CCDC73: variants seen among roughly 807,000 people sequenced by gnomAD.
CCDC73 encodes the protein coiled-coil domain-containing protein 73.
Under a neutral mutation model 116.5 loss-of-function variants are expected in CCDC73, and 95 were observed. The ratio of observed to expected loss-of-function variants is 0.82; its 90% CI spans 0.69 to 0.97. CCDC73 has a LOEUF of 0.97. Ranked by LOEUF, CCDC73 falls within the 50% of genes least tolerant of loss-of-function variation. CCDC73 has a pLI of 0.00. For missense variants in CCDC73, 1,066 were observed against 1,206.8 expected (o/e 0.88, Z 1.73); for synonymous variants, 398 against 401.3 (o/e 0.99, Z 0.10).
chr11:32,737,267 GTGTGTGTA>G lies in CCDC73; in HGVS notation c.136-19128_136-19121del, dbSNP rs1432896816. On this transcript the variant is annotated intron_variant, in intron 2 of 17. Coordinates refer to ENST00000335185, the MANE Select transcript of CCDC73 (RefSeq NM_001008391.4). ...TGTGTGTGTGTGTGTGTGTGTGTGT[GTGTGTGTA>G]TATACATGGTCCATAGGATATTTTG... 2.6e-4 allele frequency among the ~76,000 whole-genome samples: 36 copies of G among 139,740 alleles called. No individual in the cohort carries two copies. The East Asian group carries it at 5.0e-3, about 19-fold the overall frequency. 91.7% of individuals were successfully genotyped at this position (139,740 alleles called of 152,430 possible).
In CCDC73 at chr11:32,602,832, T is replaced by A. The variant is rs1230820117; in HGVS notation, c.3219A>T (p.Glu1073Asp). 2 of 1,599,208 alleles carry A rather than the reference T, an allele frequency of 1.3e-6. No individual in the cohort carries two copies. Among genetic ancestry groups the A allele is most frequent in the East Asian group, 4.5e-5 (2 of 44,730 alleles). ...TACATTATTTTAATCTGTTGTTTTT[T>A]TCCAACGTCTCTTCTGCTTTTCTTT... Reference protein sequence around the residue: ...PKKRKAEETLEKNNRLK With the variant: ...PKKRKAEETLDKNNRLK The change falls in exon 18 of 18, where the codon GAA becomes GAT. Residue 1073 changes from glutamate (E) to aspartate (D), a missense_variant. By Grantham distance (45) the Glu-to-Asp change is conservative (BLOSUM62 2). Transcript: ENST00000335185.
chr11:32,636,380 A>G (rs1219947102), intron 13 of CCDC73, among the ~76,000 whole-genome samples: 2 of 152,130 alleles, frequency 1.3e-5, no homozygotes, highest in African/African-American at 4.8e-5. Flanking sequence ...GTGGTACCAC[A>G]GAAACTGACA....
the CCDC73 span, among the ~76,000 whole-genome samples, chr11:32,805,263 T>C: frequency 6.6e-6 from 1 of 152,360 alleles, no homozygotes; most frequent in Middle Eastern, 3.4e-3. Flanking sequence ...CCACATCTTA[T>C]TTTCTGCTTT....
the CCDC73 span, among the ~76,000 whole-genome samples, chr11:32,825,406 G>A: frequency 2.1e-4 from 31 of 146,184 alleles, no homozygotes; most frequent in African/African-American, 5.3e-4. Flanking sequence ...GGGTTCAAGC[G>A]ATTCTGCTAC....
At chr11:32,633,551 A>C (rs1249568892) in intron 14 of CCDC73, among the ~76,000 whole-genome samples, 1 of 152,196 alleles carries the variant, frequency 6.6e-6, no homozygotes, top group Non-Finnish European at 1.5e-5. Context: ...AATACGAAGA[A>C]AAATAGGTAA....
chr11:32,660,314 T>C (rs181234926), intron 9 of CCDC73, among the ~76,000 whole-genome samples: 2 of 149,108 alleles, frequency 1.3e-5, no homozygotes, highest in East Asian at 2.0e-4. Flanking sequence ...AGCAGTTCCA[T>C]GGTACCCCTC....
intron 2 of CCDC73, among the ~76,000 whole-genome samples, chr11:32,719,664 T>G (rs1234624683): frequency 1.3e-5 from 2 of 152,202 alleles, no homozygotes; most frequent in Non-Finnish European, 2.9e-5. Flanking sequence ...AGAAATTAGA[T>G]GTACTACATA....
At chr11:32,617,925 T>C (rs1855489544) in intron 14 of CCDC73, among the ~76,000 whole-genome samples, 1 of 152,142 alleles carries the variant, frequency 6.6e-6, no homozygotes, top group Non-Finnish European at 1.5e-5. Context: ...CATGTGCAGG[T>C]TGGTTACATG....
At chr11:32,621,862 A>G (rs1855525550) in intron 14 of CCDC73, among the ~76,000 whole-genome samples, 1 of 152,254 alleles carries the variant, frequency 6.6e-6, no homozygotes, top group Non-Finnish European at 1.5e-5. Context: ...ATGAACAGAC[A>G]CTTCTCAAAA....
chr11:32,751,714 C>CT lies in CCDC73; in HGVS notation c.135+8394dup, dbSNP rs573531149. Reference sequence around the variant, plus strand: ...GTCTTTCCAACTCCCTTCAGTGCCTCTTTCAGCAATATGAAGTTAAAACCA... The same window carrying CT: ...GTCTTTCCAACTCCCTTCAGTGCCTCTTTTCAGCAATATGAAGTTAAAACCA... On this transcript the variant is annotated intron_variant, in intron 2 of 17. Transcript: ENST00000335185. Among the ~76,000 whole-genome samples the CT allele has an allele frequency of 3.5e-3, 531 of 152,266 alleles. 4 individuals carry two copies. The highest frequency in any genetic ancestry group is 0.012 in the African/African-American group (512 of 41,534).
chr11:32,682,457 T>G (rs1590591317), intron 7 of CCDC73: 1 of 152,126 alleles, frequency 6.6e-6, no homozygotes, highest in East Asian at 1.9e-4. Flanking sequence ...AGTCTATGAC[T>G]CTTATTTTCT....
intron 14 of CCDC73, among the ~76,000 whole-genome samples, chr11:32,633,874 G>A (rs2133241052): frequency 6.6e-6 from 1 of 152,276 alleles, no homozygotes; most frequent in South Asian, 2.1e-4. Flanking sequence ...GTTAGGAAAT[G>A]GTGAGAATCC....
At chr11:32,750,417 C>G (rs1420856915) in intron 2 of CCDC73, among the ~76,000 whole-genome samples, 1 of 152,194 alleles carries the variant, frequency 6.6e-6, no homozygotes, top group Admixed American at 6.5e-5. Context: ...AGTCTTGTAT[C>G]CTTCTTTTCA....
intron 2 of CCDC73, among the ~76,000 whole-genome samples, chr11:32,740,788 T>C (rs982749799): frequency 1.3e-5 from 2 of 151,440 alleles, no homozygotes; most frequent in African/African-American, 4.8e-5. Flanking sequence ...AAGTTTTTCT[T>C]TTTTTTTGAT....
intron 3 of CCDC73, among the ~76,000 whole-genome samples, chr11:32,716,211 A>G (rs938711492): frequency 6.6e-6 from 1 of 152,164 alleles, no homozygotes; most frequent in Non-Finnish European, 1.5e-5. Context: ...TTGTTTTTCT[A>G]AAAGTTGGTA....
chr11:32,751,262 T>A (rs1220520995), intron 2 of CCDC73, among the ~76,000 whole-genome samples: 1 of 152,180 alleles, frequency 6.6e-6, no homozygotes, highest in Non-Finnish European at 1.5e-5. Context: ...AGCTGTACAC[T>A]GCACTGCCTG....
the CCDC73 span, among the ~76,000 whole-genome samples, chr11:32,810,914 TG>T: frequency 6.6e-6 from 1 of 152,008 alleles, no homozygotes; most frequent in South Asian, 2.1e-4. Context: ...GTGGATCACT[TG>T]AAGTCAGGAG....
chr11:32,746,199 G>A (rs1447489774), intron 2 of CCDC73, among the ~76,000 whole-genome samples: 2 of 152,116 alleles, frequency 1.3e-5, no homozygotes, highest in South Asian at 2.1e-4. Flanking sequence ...CAGTTTGGCT[G>A]GATATGAAAT....
Position 32,690,519 on chromosome 11 carries a change from G to A in CCDC73, c.391-6945C>T, listed in dbSNP as rs150584272. 8.1e-4 allele frequency among the ~76,000 whole-genome samples: 124 copies of A among 152,306 alleles called. 1 individual carries two copies. The highest frequency in any genetic ancestry group is 3.0e-3 in the African/African-American group (124 of 41,556). On this transcript the variant is annotated intron_variant, in intron 6 of 17. Coordinates refer to ENST00000335185, the MANE Select transcript of CCDC73 (RefSeq NM_001008391.4). Reference sequence around the variant, plus strand: ...TGTTGGAGGAGGGGCCTGGTGGGAGGTGACTGGATAATGGGGGCAGTTTCT... The same window carrying A: ...TGTTGGAGGAGGGGCCTGGTGGGAGATGACTGGATAATGGGGGCAGTTTCT...
Sources: gnomAD v4.1 joint callset for allele counts (sites outside exome capture counted in the v4.1 genomes callset) on GRCh38, gnomAD v4.1.1 for gene constraint, MANE v1.5 for transcripts, NCBI Gene and HGNC (gene_info 2026-07-23, HGNC 2026-07-21) for gene names.